The following SSH2 variants were observed in gnomAD, a reference collection of about 807,000 sequenced individuals.
SSH2 encodes slingshot protein phosphatase 2.
A neutral mutation model predicts 135.2 loss-of-function variants in SSH2; 37 were observed. That is an observed-to-expected ratio of 0.27 (90% CI 0.21 to 0.36). The LOEUF is 0.36. SSH2 is among the 10% of genes least tolerant of loss of function. The probability of loss-of-function intolerance (pLI) is 1.00; values close to 1 mark genes in which losing one functional copy is unlikely to be tolerated. For missense variants in SSH2, 1,408 were observed against 1,765.3 expected (o/e 0.80, Z 3.63); for synonymous variants, 628 against 646.2 (o/e 0.97, Z 0.43).
chr17:29,770,568 G>A (rs2151272241), intron 3 of SSH2, among the ~76,000 whole-genome samples: 1 of 151,630 alleles, frequency 6.6e-6, no homozygotes, highest in Middle Eastern at 3.4e-3. Flanking sequence ...TGCCTCCCAG[G>A]TTCAAGCGAT....
chr17:29,734,485 C>T (rs16965159), intron 3 of SSH2, among the ~76,000 whole-genome samples: 2,635 of 152,246 alleles, frequency 0.017, 79 homozygotes, highest in African/African-American at 0.06. Flanking sequence ...TTAAACAGCA[C>T]ATTCACTTCA....
At chr17:29,660,267 TC>T (rs2036974033) in intron 11 of SSH2, among the ~76,000 whole-genome samples, 1 of 150,220 alleles carries the variant, frequency 6.7e-6, no homozygotes, top group Admixed American at 6.6e-5. Context: ...GCCTAACCTC[TC>T]CTTTTTTTTT....
chr17:29,705,155 A>G (rs1462439288), intron 3 of SSH2, among the ~76,000 whole-genome samples: 2 of 152,154 alleles, frequency 1.3e-5, no homozygotes, highest in African/African-American at 4.8e-5. Context: ...TATCTAATCC[A>G]TTAGCAAGTC....
At chr17:29,722,827 G>A (rs540435974) in intron 3 of SSH2, among the ~76,000 whole-genome samples, 2 of 152,364 alleles carry the variant, frequency 1.3e-5, no homozygotes, top group African/African-American at 4.8e-5. Context: ...CTTTGTGCAA[G>A]ACTGGAAAAA....
chr17:29,765,054 T>C (rs1037284586), intron 3 of SSH2, among the ~76,000 whole-genome samples: 5 of 152,228 alleles, frequency 3.3e-5, no homozygotes, highest in Non-Finnish European at 5.9e-5. Context: ...AGTCTGTAGT[T>C]CTAACATGGT....
intron 8 of SSH2, among the ~76,000 whole-genome samples, chr17:29,672,951 C>T (rs903431522): frequency 4.6e-5 from 7 of 152,116 alleles, no homozygotes; most frequent in African/African-American, 1.4e-4. Context: ...AAGACATCTG[C>T]CTGTCTTGGC....
chr17:29,807,223 T>C (rs1246596820), intron 2 of SSH2, among the ~76,000 whole-genome samples: 1 of 152,168 alleles, frequency 6.6e-6, no homozygotes, highest in African/African-American at 2.4e-5. Context: ...AAAATCACTT[T>C]CAAACTACAA....
chr17:29,700,963 ATTTTTTTC>A (rs932006159), intron 4 of SSH2, among the ~76,000 whole-genome samples: 13 of 145,840 alleles, frequency 8.9e-5, no homozygotes, highest in Admixed American at 3.4e-4. Flanking sequence ...TAATTTTTGT[ATTTTTTTC>A]TTTTTTTCTT....
At chr17:29,911,363 T>G (rs958581382) in intron 1 of SSH2, among the ~76,000 whole-genome samples, 1 of 152,206 alleles carries the variant, frequency 6.6e-6, no homozygotes, top group African/African-American at 2.4e-5. Context: ...TAAGAGATTT[T>G]TTAAGGATAA....
intron 3 of SSH2, among the ~76,000 whole-genome samples, chr17:29,739,360 C>G (rs1044709379): frequency 5.3e-5 from 8 of 152,156 alleles, no homozygotes; most frequent in African/African-American, 1.7e-4. Context: ...TCTTGTTTCT[C>G]AACAACAGCC....
At chr17:29,889,923 C>G (rs1337616424) in intron 1 of SSH2, among the ~76,000 whole-genome samples, 1 of 150,448 alleles carries the variant, frequency 6.6e-6, no homozygotes, top group Non-Finnish European at 1.5e-5. Flanking sequence ...TGTTTCACTA[C>G]ACTCCAGCCT....
chr17:29,734,758 T>C (rs139302593), intron 3 of SSH2, among the ~76,000 whole-genome samples: 1 of 152,348 alleles, frequency 6.6e-6, no homozygotes, highest in East Asian at 1.9e-4. Context: ...TTTATTGTAA[T>C]ATTCCAAGTT....
intron 1 of SSH2, among the ~76,000 whole-genome samples, chr17:29,888,650 G>A (rs1289464001): frequency 6.6e-6 from 1 of 151,956 alleles, no homozygotes; most frequent in Admixed American, 6.6e-5. Context: ...TAAAGAAAGT[G>A]ACAGCCAGCT....
chr17:29,904,773 A>G (rs2151464560), intron 1 of SSH2, among the ~76,000 whole-genome samples: 1 of 152,308 alleles, frequency 6.6e-6, no homozygotes, highest in Non-Finnish European at 1.5e-5. Flanking sequence ...GCCCCAAAGC[A>G]TCTTAAGCTG....
At chr17:29,716,484 G>A (rs1316248782) in intron 3 of SSH2, 4 of 701,988 alleles carry the variant, frequency 5.7e-6, no homozygotes, top group South Asian at 4.1e-5. Context: ...GCAGCATGCT[G>A]GTTAACATTG....
intron 14 of SSH2, among the ~76,000 whole-genome samples, chr17:29,647,261 C>CA (rs1239244569): frequency 1.5e-3 from 157 of 104,952 alleles, no homozygotes; most frequent in Middle Eastern, 5.6e-3. Context: ...GACTCTGTCT[C>CA]AAAAAAAAAA....
intron 1 of SSH2, among the ~76,000 whole-genome samples, chr17:29,886,888 G>A (rs934454366): frequency 2.6e-5 from 4 of 152,026 alleles, no homozygotes; most frequent in Admixed American, 2.6e-4. Flanking sequence ...CAATTATAGC[G>A]CTCCTTCAAC....
intron 2 of SSH2, among the ~76,000 whole-genome samples, chr17:29,800,288 A>C (rs2042226824): frequency 6.6e-6 from 1 of 152,222 alleles, no homozygotes; most frequent in Non-Finnish European, 1.5e-5. Flanking sequence ...AATGAAAAAA[A>C]TGTTCAATTA....
chr17:29,851,633 G>C (rs1053153886), intron 1 of SSH2, among the ~76,000 whole-genome samples: 5 of 151,774 alleles, frequency 3.3e-5, no homozygotes, highest in Admixed American at 1.3e-4. Context: ...ATAAAAACTG[G>C]AGAGAGCTTG....
Sources: allele counts gnomAD v4.1 joint callset (sites outside exome capture counted in the v4.1 genomes callset), GRCh38; gene constraint gnomAD v4.1.1; transcripts MANE v1.5; gene names NCBI Gene and HGNC (gene_info 2026-07-23, HGNC 2026-07-21).